OR5L1: variants seen among roughly 807,000 people sequenced by gnomAD.
OR5L1 encodes the protein olfactory receptor 5L1.
For missense variants in OR5L1, 398 were observed against 365.8 expected, an observed-to-expected ratio of 1.09 and a Z score of -0.72; for synonymous variants, 197 against 146.6, an observed-to-expected ratio of 1.34 and a Z score of -2.49.
In OR5L1 at chr11:55,812,089, G is replaced by A; in HGVS notation, c.623G>A (p.Ser208Asn). ...TTCCTGGTGGCCACTTTGAATGAGA[G>A]TGTTACCATCATGATCATCCTCACC... ...LLFLVATLNESVTIMIILTSY... is the reference protein window; with the variant it reads ...LLFLVATLNENVTIMIILTSY... The change falls in exon 1 of 1, where the codon AGT becomes AAT. Residue 208 changes from serine (S) to asparagine (N), a missense_variant. Ser to Asn is a conservative substitution (Grantham distance 46). Transcript: ENST00000625203. The A allele has an allele frequency of 6.2e-7, 1 of 1,613,896 alleles. No individual in the cohort carries two copies. The highest frequency in any genetic ancestry group is 2.2e-5 in the East Asian group (1 of 44,864).
rs772796247 is a variant in OR5L1, at chr11:55,812,365, C to T, written c.899C>T (p.Ala300Val). Residue 300 changes from alanine (A) to valine (V), a missense_variant, in exon 1 of 1, where the codon GCT (alanine) becomes GTT (valine). Transcript: ENST00000625203. ...CTGAGAAATAAAGATGTGAAAGAAG[C>T]TCTCAGAAAAGTGATGGGCTCCAAA... ...YSLRNKDVKE[A>V]LRKVMGSKIH... The T allele has an allele frequency of 1.2e-6, 2 of 1,611,816 alleles. No homozygotes were observed. Among genetic ancestry groups the T allele is most frequent in the Middle Eastern group, 1.7e-4 (1 of 6,046 alleles).
In OR5L1 at chr11:55,811,489, C is replaced by T; in HGVS notation, c.23C>T (p.Thr8Ile). 1.2e-6 allele frequency: 2 copies of T among 1,613,388 alleles called. No individual in the cohort carries two copies. Among genetic ancestry groups the T allele is most frequent in the East Asian group, 2.2e-5 (1 of 44,882 alleles). Residue 8 changes from threonine (T) to isoleucine (I), a missense_variant, in exon 1 of 1, where the codon ACT becomes ATT. By Grantham distance (89) the Thr-to-Ile change is moderately conservative. Transcript: ENST00000625203. MGKENCT[T>I]VAEFILLGLS... ...GACATGGGCAAGGAAAACTGCACCA[C>T]TGTGGCTGAGTTCATTCTCCTTGGA...
At position 55,812,139 on chromosome 11, in the gene OR5L1, A is replaced by G; in HGVS notation, c.673A>G (p.Ile225Val). The G allele has an allele frequency of 6.2e-7, 1 of 1,613,988 alleles. No individual in the cohort carries two copies. Among genetic ancestry groups the G allele is most frequent in the East Asian group, 2.2e-5 (1 of 44,870 alleles). Residue 225 changes from isoleucine (I) to valine (V), a missense_variant, in exon 1 of 1, where the codon ATC (isoleucine) becomes GTC (valine). Coordinates refer to ENST00000625203, the MANE Select transcript of OR5L1 (RefSeq NM_001004738.2). ...LTSYLLILTT[I>V]LKMGSAEGRH... ...CTCCTACCTGCTAATTCTCACCACC[A>G]TCCTGAAGATGGGCTCTGCAGAGGG...
At position 55,811,911 on chromosome 11, in the gene OR5L1, T is replaced by C; in HGVS notation, c.445T>C (p.Tyr149His). ...GCGTGTGGAGCTGGCTTCTTGCTGC[T>C]ACTTCTGTGGGACGGTGTGTTCTCT... Reference protein sequence around the residue: ...KVRVELASCCYFCGTVCSLIH... With the variant: ...KVRVELASCCHFCGTVCSLIH... The change falls in exon 1 of 1, where the codon TAC (tyrosine) becomes CAC (histidine). Residue 149 changes from tyrosine to histidine, a missense_variant. By Grantham distance (83) the Tyr-to-His change is moderately conservative (BLOSUM62 2). Transcript: ENST00000625203. 1 of 1,614,008 alleles carries C rather than the reference T, an allele frequency of 6.2e-7. No homozygotes were observed. The highest frequency in any genetic ancestry group is 8.5e-7 in the Non-Finnish European group (1 of 1,180,010).
chr11:55,812,379 A>G lies in OR5L1; in HGVS notation c.913A>G (p.Met305Val), dbSNP rs770706404. Residue 305 changes from methionine (M) to valine (V), a missense_variant, in exon 1 of 1, where the codon ATG becomes GTG. Met to Val is a conservative substitution (Grantham distance 21, BLOSUM62 1). Coordinates refer to ENST00000625203, the MANE Select transcript of OR5L1 (RefSeq NM_001004738.2). ...TGTGAAAGAAGCTCTCAGAAAAGTGATGGGCTCCAAAATTCACTCCTAGGG... is the reference window on the plus strand; with the variant it reads ...TGTGAAAGAAGCTCTCAGAAAAGTGGTGGGCTCCAAAATTCACTCCTAGGG... ...KDVKEALRKVMGSKIHS is the reference protein window; with the variant it reads ...KDVKEALRKVVGSKIHS 22 of 1,608,612 alleles carry G rather than the reference A, an allele frequency of 1.4e-5. No individual in the cohort carries two copies. The highest frequency in any genetic ancestry group is 1.9e-5 in the Non-Finnish European group (22 of 1,177,290).
rs771765414 is a variant in OR5L1, at chr11:55,811,793, C to T, written c.327C>T (p.Val109=). The T allele has an allele frequency of 1.1e-5, 18 of 1,613,992 alleles. No individual in the cohort carries two copies. Among genetic ancestry groups the T allele is most frequent in the Middle Eastern group, 1.6e-4 (1 of 6,062 alleles). ...VQFYLFCTCV[V]TEVFLLAVMA... The stretch of plus-strand genomic sequence containing the variant: ...TCTACTTGTTTTGCACTTGTGTGGT[C>T]ACTGAGGTCTTCCTGCTGGCCGTGA... Residue 109 remains valine (V), a synonymous_variant, in exon 1 of 1, where the codon GTC becomes GTT. Transcript: ENST00000625203.
At position 55,812,202 on chromosome 11, in the gene OR5L1, A is replaced by T; in HGVS notation, c.736A>T (p.Thr246Ser). 6.2e-7 allele frequency: 1 copy of T among 1,613,852 alleles called. No homozygotes were observed. ...KAFSTCASHL[T>S]AITVFHGTVL... ...CTTCTCCACCTGTGCTTCCCACCTC[A>T]CAGCTATCACTGTCTTCCATGGAAC... Residue 246 changes from threonine to serine, a missense_variant, in exon 1 of 1, where the codon ACA becomes TCA. Thr to Ser is a moderately conservative substitution (Grantham distance 58, BLOSUM62 1). Coordinates refer to ENST00000625203, the MANE Select transcript of OR5L1 (RefSeq NM_001004738.2).
Position 55,811,881 on chromosome 11 carries a change from A to G in OR5L1, c.415A>G (p.Lys139Glu). ...PLLYTVTMSW[K>E]VRVELASCCY... Reference sequence around the variant, plus strand: ...GCTATACACAGTCACCATGTCTTGGAAGGTGCGTGTGGAGCTGGCTTCTTG... The same window carrying G: ...GCTATACACAGTCACCATGTCTTGGGAGGTGCGTGTGGAGCTGGCTTCTTG... Residue 139 changes from lysine to glutamate, a missense_variant, in exon 1 of 1, where the codon AAG becomes GAG. Lys to Glu is a moderately conservative substitution (Grantham distance 56). Transcript: ENST00000625203. 6 of 1,613,892 alleles carry G rather than the reference A, an allele frequency of 3.7e-6. No individual in the cohort carries two copies. The South Asian group carries it at 6.6e-5, about 18-fold the overall frequency.
chr11:55,811,856 G>A lies in OR5L1; in HGVS notation c.390G>A (p.Leu130=). 1 of 1,613,968 alleles carries A rather than the reference G, an allele frequency of 6.2e-7. No homozygotes were observed. Among genetic ancestry groups the A allele is most frequent in the Non-Finnish European group, 8.5e-7 (1 of 1,179,998 alleles). ...GCTTTGTGGCCATCTGTAACCCTTT[G>A]CTATACACAGTCACCATGTCTTGGA... ...YDRFVAICNP[L]LYTVTMSWKV... The change falls in exon 1 of 1, where the codon TTG becomes TTA. Residue 130 remains leucine, a synonymous_variant. Coordinates refer to ENST00000625203, the MANE Select transcript of OR5L1 (RefSeq NM_001004738.2).
In OR5L1 at chr11:55,811,899, G is replaced by A. The variant is rs190758912; in HGVS notation, c.433G>A (p.Ala145Thr). ...TMSWKVRVEL[A>T]SCCYFCGTVC... ...GTCTTGGAAGGTGCGTGTGGAGCTG[G>A]CTTCTTGCTGCTACTTCTGTGGGAC... The change falls in exon 1 of 1, where the codon GCT becomes ACT. Residue 145 changes from alanine (A) to threonine (T), a missense_variant. Transcript: ENST00000625203. 2 of 1,613,930 alleles carry A rather than the reference G, an allele frequency of 1.2e-6. No homozygotes were observed. The highest frequency in any genetic ancestry group is 2.2e-5 in the East Asian group (1 of 44,870).
At position 55,812,172 on chromosome 11, in the gene OR5L1, A is replaced by C; in HGVS notation, c.706A>C (p.Lys236Gln). The C allele has an allele frequency of 1.2e-6, 2 of 1,613,944 alleles. No individual in the cohort carries two copies. The highest frequency in any genetic ancestry group is 1.7e-6 in the Non-Finnish European group (2 of 1,180,018). ...GATGGGCTCTGCAGAGGGCAGGCAC[A>C]AAGCCTTCTCCACCTGTGCTTCCCA... Reference protein sequence around the residue: ...LKMGSAEGRHKAFSTCASHLT... With the variant: ...LKMGSAEGRHQAFSTCASHLT... The change falls in exon 1 of 1, where the codon AAA (lysine) becomes CAA (glutamine). Residue 236 changes from lysine (K) to glutamine (Q), a missense_variant. By Grantham distance (53) the Lys-to-Gln change is moderately conservative (BLOSUM62 1). Transcript: ENST00000625203.
rs778678630 is a variant in OR5L1 at position 55,812,449 on chromosome 11, G to A, written c.*47G>A. 26 of 1,344,994 alleles carry A rather than the reference G, an allele frequency of 1.9e-5. No homozygotes were observed. The highest frequency in any genetic ancestry group is 1.9e-4 in the Middle Eastern group (1 of 5,402). The allele number at this position is 1,344,994 out of a possible 1,614,324, so 83.3% of individuals were successfully genotyped here. On this transcript the variant is annotated 3_prime_UTR_variant, in exon 1 of 1. Transcript: ENST00000625203. The stretch of plus-strand genomic sequence containing the variant: ...TCAGGATTCCCAAGTAGTGGCAGGC[G>A]GGGGTTCACGGGAGAGGCACAGTGT...
chr11:55,812,222 T>C lies in OR5L1; in HGVS notation c.756T>C (p.His252=), dbSNP rs1336459372. ...ASHLTAITVF[H]GTVLSIYCRP... ...ACCTCACAGCTATCACTGTCTTCCA[T>C]GGAACAGTCCTTTCCATTTATTGCA... The change falls in exon 1 of 1, where the codon CAT becomes CAC. Residue 252 remains histidine (H), a synonymous_variant. Coordinates refer to ENST00000625203, the MANE Select transcript of OR5L1 (RefSeq NM_001004738.2). The C allele has an allele frequency of 9.3e-6, 15 of 1,613,950 alleles. No individual in the cohort carries two copies. The highest frequency in any genetic ancestry group is 1.2e-5 in the Non-Finnish European group (14 of 1,180,016).
rs764498675 is a variant in OR5L1 at position 55,812,306 on chromosome 11, C to T, written c.840C>T (p.Val280=). 5 of 1,613,654 alleles carry T rather than the reference C, an allele frequency of 3.1e-6. No homozygotes were observed. Among genetic ancestry groups the T allele is most frequent in the Middle Eastern group, 1.6e-4 (1 of 6,082 alleles). ...AAGTGGCCACCGTGTTCTACACAGT[C>T]GTGATTCCTATGCTGAACTCTGTGA... ...ADKVATVFYT[V]VIPMLNSVIY... Residue 280 remains valine, a synonymous_variant, in exon 1 of 1, where the codon GTC becomes GTT. Coordinates refer to ENST00000625203, the MANE Select transcript of OR5L1 (RefSeq NM_001004738.2).
chr11:55,811,644 T>C lies in OR5L1; in HGVS notation c.178T>C (p.Tyr60His). The C allele has an allele frequency of 3.1e-6, 5 of 1,614,050 alleles. No homozygotes were observed. Among genetic ancestry groups the C allele is most frequent in the Non-Finnish European group, 4.2e-6 (5 of 1,180,040 alleles). ...QVSSRLHTPMYFFLSHLSSVD... is the reference protein window; with the variant it reads ...QVSSRLHTPMHFFLSHLSSVD... ...CAGCTCTCGGCTCCACACCCCCATG[T>C]ACTTTTTCCTCAGCCACTTGTCCTC... Residue 60 changes from tyrosine (Y) to histidine (H), a missense_variant, in exon 1 of 1, where the codon TAC becomes CAC. By Grantham distance (83) the Tyr-to-His change is moderately conservative. Transcript: ENST00000625203.
chr11:55,812,029 C>T lies in OR5L1; in HGVS notation c.563C>T (p.Ala188Val). 1.2e-6 allele frequency: 2 copies of T among 1,613,936 alleles called. No individual in the cohort carries two copies. The highest frequency in any genetic ancestry group is 1.7e-6 in the Non-Finnish European group (2 of 1,179,996). The change falls in exon 1 of 1, where the codon GCT becomes GTT. Residue 188 changes from alanine to valine, a missense_variant. Physicochemically the swap from Ala to Val is moderately conservative, Grantham distance 64. Transcript: ENST00000625203. ...FCDLPPVLSL[A>V]CSDITVNETL... ...GATCTACCTCCTGTCTTAAGTCTTG[C>T]TTGCTCTGATATCACTGTGAATGAG...
At position 55,812,454 on chromosome 11, in the gene OR5L1, T is replaced by C; in HGVS notation, c.*52T>C. On this transcript the variant is annotated 3_prime_UTR_variant, in exon 1 of 1. Transcript: ENST00000625203. ...ATTCCCAAGTAGTGGCAGGCGGGGG[T>C]TCACGGGAGAGGCACAGTGTTGGAG... 1 of 1,318,624 alleles carries C rather than the reference T, an allele frequency of 7.6e-7. No homozygotes were observed. Among genetic ancestry groups the C allele is most frequent in the Non-Finnish European group, 1.1e-6 (1 of 938,630 alleles). 81.7% of individuals were successfully genotyped at this position (1,318,624 alleles called of 1,614,324 possible).
In OR5L1 at chr11:55,812,163, G is replaced by C. The variant is rs764954170; in HGVS notation, c.697G>C (p.Gly233Arg). 7 of 1,613,850 alleles carry C rather than the reference G, an allele frequency of 4.3e-6. No individual in the cohort carries two copies. The highest frequency in any genetic ancestry group is 4.2e-6 in the Non-Finnish European group (5 of 1,180,014). ...CATCCTGAAGATGGGCTCTGCAGAG[G>C]GCAGGCACAAAGCCTTCTCCACCTG... is the stretch of plus-strand genomic sequence containing the variant. ...TTILKMGSAE[G>R]RHKAFSTCAS... is the part of the protein sequence containing the mutation. The change falls in exon 1 of 1, where the codon GGC becomes CGC. Residue 233 changes from glycine to arginine, a missense_variant. By Grantham distance (125) the Gly-to-Arg change is moderately radical (BLOSUM62 -2). Transcript: ENST00000625203.
At position 55,811,383 on chromosome 11, in the gene OR5L1, A is replaced by T; in HGVS notation, c.-84A>T. On this transcript the variant is annotated 5_prime_UTR_variant, in exon 1 of 1. Coordinates refer to ENST00000625203, the MANE Select transcript of OR5L1 (RefSeq NM_001004738.2). ...ACTTTTTCTGGTGTCTTTTTACAGG[A>T]TACAGCCAAAACTAAAATTTAGACT... The T allele has an allele frequency of 7.0e-7, 1 of 1,421,944 alleles. No homozygotes were observed. The highest frequency in any genetic ancestry group is 1.4e-5 in the South Asian group (1 of 70,242). 88.1% of individuals were successfully genotyped at this position (1,421,944 alleles called of 1,614,324 possible).
Sources: gnomAD v4.1 joint callset for allele counts on GRCh38, gnomAD v4.1.1 for gene constraint, MANE v1.5 for transcripts, NCBI Gene and HGNC (gene_info 2026-07-23, HGNC 2026-07-21) for gene names.